STAG1: variants seen among roughly 807,000 people sequenced by gnomAD.
STAG1 encodes the protein cohesin subunit SA-1.
Under a neutral mutation model 170.9 loss-of-function variants are expected in STAG1, and 26 were observed. The ratio of observed to expected loss-of-function variants is 0.15; its 90% CI spans 0.11 to 0.21. The LOEUF is 0.21. Ranked by LOEUF, STAG1 falls within the 10% of genes least tolerant of loss-of-function variation. The probability of loss-of-function intolerance (pLI) is 1.00; values close to 1 mark genes in which losing one functional copy is unlikely to be tolerated. For missense variants in STAG1, 964 were observed against 1,509.5 expected (o/e 0.64, Z 5.99); for synonymous variants, 514 against 497.7 (o/e 1.03, Z -0.44).
At chr3:136,533,321 A>G (rs1210714178) in intron 6 of STAG1, among the ~76,000 whole-genome samples, 1 of 152,166 alleles carries the variant, frequency 6.6e-6, no homozygotes, top group Non-Finnish European at 1.5e-5. Context: ...AATGTTGGTA[A>G]CCACTGAATT....
chr3:136,588,305 G>T (rs201406073), intron 4 of STAG1, among the ~76,000 whole-genome samples: 20 of 151,946 alleles, frequency 1.3e-4, no homozygotes, highest in Admixed American at 9.2e-4. Context: ...TATTTGACTG[G>T]TTTTTTGGGT....
In STAG1 at chr3:136,336,307, A is replaced by C. The variant is rs557280055; in HGVS notation, c.*1947T>G. The C allele has an allele frequency of 6.6e-6, 1 of 152,344 alleles. No individual in the cohort carries two copies. 9.4% of individuals were successfully genotyped at this position (152,344 alleles called of 1,614,324 possible). ...ATTGTACAAAAGGAAAAAAAACCTC[A>C]TATTGCAAATGTACAATTTACAGAA... On this transcript the variant is annotated 3_prime_UTR_variant, in exon 34 of 34. Coordinates refer to ENST00000383202, the MANE Select transcript of STAG1 (RefSeq NM_005862.3).
At chr3:136,459,505 C>T (rs2089216392) in intron 13 of STAG1, among the ~76,000 whole-genome samples, 1 of 152,226 alleles carries the variant, frequency 6.6e-6, no homozygotes, top group Admixed American at 6.5e-5. Context: ...AGTTAAACTG[C>T]ATTCTAGACC....
At chr3:136,346,777 T>C (rs1265940043) in intron 29 of STAG1, among the ~76,000 whole-genome samples, 1 of 152,272 alleles carries the variant, frequency 6.6e-6, no homozygotes, top group East Asian at 1.9e-4. Flanking sequence ...TAGCAAAAAT[T>C]TGATGAATGT....
chr3:136,660,429 A>C (rs1454674593), intron 1 of STAG1, among the ~76,000 whole-genome samples: 1 of 152,246 alleles, frequency 6.6e-6, no homozygotes, highest in Non-Finnish European at 1.5e-5. Context: ...AATTAATTCA[A>C]GTGAATAAGC....
At chr3:136,623,037 C>T in intron 3 of STAG1, 109 bp downstream of exon 3, 1 of 900,602 alleles carries the variant, frequency 1.1e-6, no homozygotes, top group Non-Finnish European at 1.7e-6. Flanking sequence ...TATTGTGTCA[C>T]TGAATTTTTT....
chr3:136,465,372 A>G (rs2089422996), intron 12 of STAG1, among the ~76,000 whole-genome samples: 1 of 151,546 alleles, frequency 6.6e-6, no homozygotes, highest in Admixed American at 6.6e-5. Context: ...GGTGCCCAAC[A>G]CCACGCTCAG....
chr3:136,347,889 G>A (rs1936292456), intron 29 of STAG1, among the ~76,000 whole-genome samples: 1 of 152,178 alleles, frequency 6.6e-6, no homozygotes, highest in African/African-American at 2.4e-5. Context: ...AACTTAGAGA[G>A]GTTAAGTAAT....
intron 1 of STAG1, among the ~76,000 whole-genome samples, chr3:136,641,885 G>T (rs1369156145): frequency 6.6e-6 from 1 of 152,068 alleles, no homozygotes; most frequent in Non-Finnish European, 1.5e-5. Context: ...TGCTATTTTT[G>T]CAACTTTATT....
rs553013619 is a variant in STAG1, at chr3:136,418,032, C to T, written c.2109-60G>A. The T allele has an allele frequency of 2.4e-5, 32 of 1,335,274 alleles. No homozygotes were observed. In the African/African-American group the frequency reaches 3.6e-4, roughly 15 times the overall value. 82.7% of individuals were successfully genotyped at this position (1,335,274 alleles called of 1,614,324 possible). A position where few individuals can be genotyped will look rare whatever the true frequency, so the allele number is the denominator to read the frequency against. Reference sequence around the variant, plus strand: ...GAATGGAAGGAAATTTAAATTTGAGCTCAGTTCAGGTGAGTGGAAGAATAA... The same window carrying T: ...GAATGGAAGGAAATTTAAATTTGAGTTCAGTTCAGGTGAGTGGAAGAATAA... On this transcript the variant is annotated intron_variant, in intron 20 of 33. Coordinates refer to ENST00000383202, the MANE Select transcript of STAG1 (RefSeq NM_005862.3).
intron 12 of STAG1, among the ~76,000 whole-genome samples, chr3:136,465,298 C>A (rs1046874741): frequency 5.4e-5 from 8 of 146,920 alleles, no homozygotes; most frequent in South Asian, 2.2e-4. Flanking sequence ...TGGCTCACTG[C>A]AACCTCTGCC....
Position 136,336,982 on chromosome 3 carries a change from T to TTTAAAACAATA in STAG1, c.*1261_*1271dup, listed in dbSNP as rs1935704468. ...AGGAAGAGAGAGACTAAGTGGGGTT[T>TTTAAAACAATA]TTAAAACAATAGCAGCAAGTCATAA... On this transcript the variant is annotated 3_prime_UTR_variant, in exon 34 of 34. Coordinates refer to ENST00000383202, the MANE Select transcript of STAG1 (RefSeq NM_005862.3). 2 of 152,148 alleles carry TTTAAAACAATA rather than the reference T, an allele frequency of 1.3e-5. No individual in the cohort carries two copies. The highest frequency in any genetic ancestry group is 2.9e-5 in the Non-Finnish European group (2 of 68,022). The allele number at this position is 152,148 out of a possible 1,614,324, so 9.4% of individuals were successfully genotyped here. A position where few individuals can be genotyped will look rare whatever the true frequency, so the allele number is the denominator to read the frequency against.
At chr3:136,364,988 A>G (rs1338183261) in intron 25 of STAG1, among the ~76,000 whole-genome samples, 2 of 152,240 alleles carry the variant, frequency 1.3e-5, no homozygotes, top group South Asian at 2.1e-4. Flanking sequence ...ATTTCTTTTA[A>G]GTTCAGACTG....
chr3:136,378,972 CT>C (rs1397480643), intron 22 of STAG1, among the ~76,000 whole-genome samples: 1 of 152,174 alleles, frequency 6.6e-6, no homozygotes. Flanking sequence ...GATGACAGCA[CT>C]TAGTCTTTTT....
intron 1 of STAG1, among the ~76,000 whole-genome samples, chr3:136,691,100 C>G (rs189386919): frequency 6.6e-6 from 1 of 151,508 alleles, no homozygotes; most frequent in Non-Finnish European, 1.5e-5. Context: ...GAGTTCGAGA[C>G]CAGCCTGGGA....
intron 6 of STAG1, among the ~76,000 whole-genome samples, chr3:136,532,316 G>A (rs1935413267): frequency 6.6e-6 from 1 of 152,128 alleles, no homozygotes; most frequent in Non-Finnish European, 1.5e-5. Context: ...ATGTTGGCCT[G>A]TAGGTTCCTT....
chr3:136,339,300 G>T (rs58336248), intron 32 of STAG1, among the ~76,000 whole-genome samples: 1 of 152,072 alleles, frequency 6.6e-6, no homozygotes, highest in Non-Finnish European at 1.5e-5. Flanking sequence ...CCAGGTGGGC[G>T]GATCACGAGG....
At chr3:136,501,080 C>T (rs1290065107) in intron 8 of STAG1, among the ~76,000 whole-genome samples, 1 of 152,136 alleles carries the variant, frequency 6.6e-6, no homozygotes, top group Non-Finnish European at 1.5e-5. Context: ...TGCTTTGTTT[C>T]AGGCTTTACT....
chr3:136,394,374 C>G (rs1384956143), intron 22 of STAG1, among the ~76,000 whole-genome samples: 1 of 152,194 alleles, frequency 6.6e-6, no homozygotes, highest in African/African-American at 2.4e-5. Context: ...GAAGAAATAA[C>G]TTGAGAGACA....
Sources: allele counts gnomAD v4.1 joint callset (sites outside exome capture counted in the v4.1 genomes callset), GRCh38; gene constraint gnomAD v4.1.1; transcripts MANE v1.5; gene names NCBI Gene and HGNC (gene_info 2026-07-23, HGNC 2026-07-21).